The following THOC2 variants were observed in gnomAD, a reference collection of about 807,000 sequenced individuals.
THOC2 encodes the protein THO complex 2.
THOC2 carries 10 observed loss-of-function variants against 128.4 expected under a neutral mutation model. That is an observed-to-expected ratio of 0.08 (90% CI 0.05 to 0.13). THOC2 has a LOEUF of 0.13. Among genes scored for constraint, THOC2 ranks in the 10% least tolerant of loss-of-function variants. THOC2 has a pLI of 1.00. For missense variants in THOC2, 535 were observed against 1,155.7 expected, an observed-to-expected ratio of 0.46 and a Z score of 7.79; for synonymous variants, 393 against 396.9, an observed-to-expected ratio of 0.99 and a Z score of 0.12.
chrX:123,692,884 A>C (rs2050283864), intron 7 of THOC2, among the ~76,000 whole-genome samples: 1 of 111,668 alleles, frequency 9.0e-6, no homozygotes, highest in South Asian at 3.7e-4. Flanking sequence ...GTGCACCTAA[A>C]ATGTATACTG....
At chrX:123,690,373 A>G (rs999159895) in intron 7 of THOC2, among the ~76,000 whole-genome samples, 1 of 112,163 alleles carries the variant, frequency 8.9e-6, no homozygotes, top group Non-Finnish European at 1.9e-5. Context: ...GCATTCTACT[A>G]TATGTCAATG....
chrX:123,725,344 G>A (rs1234789324), intron 1 of THOC2, among the ~76,000 whole-genome samples: 3 of 105,670 alleles, frequency 2.8e-5, no homozygotes, highest in African/African-American at 1.0e-4. Flanking sequence ...AACACTTTGG[G>A]AGGCCGAAGT....
At chrX:123,696,370 C>T (rs2050447504) in intron 6 of THOC2, among the ~76,000 whole-genome samples, 1 of 111,174 alleles carries the variant, frequency 9.0e-6, no homozygotes, top group African/African-American at 3.3e-5. Flanking sequence ...AAACCAGTAA[C>T]ACAAGAAAAG....
chrX:123,681,379 G>A (rs968525565), intron 8 of THOC2, among the ~76,000 whole-genome samples: 3 of 109,940 alleles, frequency 2.7e-5, no homozygotes, highest in African/African-American at 9.9e-5. Flanking sequence ...GGTGGTGGGG[G>A]GGTGGGGGGA....
At chrX:123,651,149 G>A (rs1234891001) in intron 12 of THOC2, among the ~76,000 whole-genome samples, 1 of 110,496 alleles carries the variant, frequency 9.1e-6, no homozygotes, top group African/African-American at 3.3e-5. Flanking sequence ...TCGGGATTAA[G>A]AAAAAAACAC....
chrX:123,657,909 G>T, intron 12 of THOC2, among the ~76,000 whole-genome samples: 1 of 110,859 alleles, frequency 9.0e-6, no homozygotes, highest in Middle Eastern at 4.7e-3. Flanking sequence ...ACAAAAATAA[G>T]TTTGTTCAAA....
intron 11 of THOC2, among the ~76,000 whole-genome samples, chrX:123,666,847 G>A (rs1440926828): frequency 1.8e-5 from 2 of 111,506 alleles, no homozygotes; most frequent in Non-Finnish European, 3.8e-5. Context: ...ACTCTCAATG[G>A]AACAAACCCA....
chrX:123,726,965 T>C (rs1164566060), intron 1 of THOC2, among the ~76,000 whole-genome samples: 1 of 111,603 alleles, frequency 9.0e-6, no homozygotes, highest in African/African-American at 3.3e-5. Flanking sequence ...TTTGGGAGGC[T>C]GAGGGGGGAG....
intron 12 of THOC2, among the ~76,000 whole-genome samples, chrX:123,646,342 T>C (rs1281603919): frequency 1.8e-5 from 2 of 112,228 alleles, no homozygotes; most frequent in Admixed American, 9.4e-5. Flanking sequence ...CTTGTGTGAA[T>C]ATAAACAGAC....
chrX:123,662,764 A>C (rs2048891580), intron 12 of THOC2, among the ~76,000 whole-genome samples: 1 of 111,565 alleles, frequency 9.0e-6, no homozygotes, highest in East Asian at 2.8e-4. Context: ...ACTCAATAAT[A>C]AAAAGACAAA....
At chrX:123,732,847 G>C in intron 1 of THOC2, 105 bp downstream of exon 1, 1 of 878,929 alleles carries the variant, frequency 1.1e-6, no homozygotes, top group Non-Finnish European at 1.7e-6. Context: ...GCCCGGGTGG[G>C]GGAGGGGGTA....
intron 12 of THOC2, among the ~76,000 whole-genome samples, chrX:123,648,770 T>A (rs1372991581): frequency 1.8e-5 from 2 of 111,463 alleles, no homozygotes; most frequent in African/African-American, 6.5e-5. Flanking sequence ...TCTAAATTCC[T>A]CCTCTCTGGG....
At chrX:123,688,002 G>C (rs1159561615) in intron 7 of THOC2, among the ~76,000 whole-genome samples, 1 of 112,239 alleles carries the variant, frequency 8.9e-6, no homozygotes, top group Non-Finnish European at 1.9e-5. Flanking sequence ...TAGCAATTAA[G>C]ATCCTTAAAT....
chrX:123,683,201 G>C (rs764837840), intron 8 of THOC2, among the ~76,000 whole-genome samples: 21 of 111,514 alleles, frequency 1.9e-4, no homozygotes, highest in South Asian at 7.6e-4. Flanking sequence ...ATCATTCAGT[G>C]CTCAAAAAGT....
intron 12 of THOC2, among the ~76,000 whole-genome samples, chrX:123,645,757 T>C (rs959346600): frequency 8.9e-6 from 1 of 112,080 alleles, no homozygotes; most frequent in Non-Finnish European, 1.9e-5. Flanking sequence ...AGGTCAGGAG[T>C]TCGAGACCAG....
intron 12 of THOC2, among the ~76,000 whole-genome samples, chrX:123,657,960 C>T (rs1281849122): frequency 1.1e-5 from 1 of 94,800 alleles, no homozygotes; most frequent in Non-Finnish European, 2.1e-5. Context: ...TACGCATATG[C>T]GTGTGTGTGT....
At chrX:123,606,274 C>CAA (rs774551996) in intron 38 of THOC2, among the ~76,000 whole-genome samples, 46 of 41,381 alleles carry the variant, frequency 1.1e-3, no homozygotes, top group African/African-American at 3.2e-3. Context: ...CTCGTCTCTA[C>CAA]AAAAAAAAAA....
intron 1 of THOC2, among the ~76,000 whole-genome samples, chrX:123,724,251 C>T (rs1373974355): frequency 8.9e-6 from 1 of 111,867 alleles, no homozygotes; most frequent in Non-Finnish European, 1.9e-5. Context: ...CCTTGCAGCT[C>T]ACCTCTGTGC....
At chrX:123,639,120 A>C in intron 16 of THOC2, 93 bp from the exon 17 acceptor site, 1 of 378,455 alleles carries the variant, frequency 2.6e-6, no homozygotes, top group Non-Finnish European at 4.7e-6. Flanking sequence ...TATTTTTCAA[A>C]AGAAATAATG....
Sources: gnomAD v4.1 joint callset for allele counts (sites outside exome capture counted in the v4.1 genomes callset) on GRCh38, gnomAD v4.1.1 for gene constraint, MANE v1.5 for transcripts, NCBI Gene and HGNC (gene_info 2026-07-23, HGNC 2026-07-21) for gene names.